The following DPP6 variants were observed in gnomAD, a reference collection of about 807,000 sequenced individuals.
The protein encoded by DPP6 is A-type potassium channel modulatory protein DPP6.
DPP6 carries 69 observed loss-of-function variants against 122.6 expected under a neutral mutation model. The observed-to-expected ratio is 0.56, with a 90% CI of 0.46 to 0.69. The LOEUF (loss-of-function observed/expected upper bound fraction) is 0.69. DPP6 is among the 30% of genes least tolerant of loss of function. The probability of loss-of-function intolerance (pLI) is 0.00; values close to 1 mark genes in which losing one functional copy is unlikely to be tolerated. For synonymous variants in DPP6, 418 were observed against 433.1 expected, an observed-to-expected ratio of 0.97 and a Z score of 0.43; for missense variants, 928 against 1,116.9, an observed-to-expected ratio of 0.83 and a Z score of 2.41.
the DPP6 span, among the ~76,000 whole-genome samples, chr7:153,754,906 T>TC: frequency 4.6e-5 from 7 of 152,092 alleles, no homozygotes; most frequent in African/African-American, 1.7e-4. Context: ...TTGTTTTTTT[T>TC]TTTAATTCAC....
intron 2 of DPP6, among the ~76,000 whole-genome samples, chr7:154,452,212 C>T (rs1409750303): frequency 1.3e-5 from 2 of 152,212 alleles, no homozygotes; most frequent in Non-Finnish European, 2.9e-5. Flanking sequence ...GCTTAGAGTC[C>T]ACGTAAAGAC....
intron 5 of DPP6, among the ~76,000 whole-genome samples, chr7:154,609,768 G>A (rs1484762174): frequency 2.6e-5 from 4 of 152,102 alleles, no homozygotes; most frequent in East Asian, 1.9e-4. Flanking sequence ...CTTACGACTT[G>A]CCCTTCCCAA....
At chr7:154,697,316 C>A (rs1264346331) in intron 7 of DPP6, among the ~76,000 whole-genome samples, 1 of 152,186 alleles carries the variant, frequency 6.6e-6, no homozygotes, top group Non-Finnish European at 1.5e-5. Flanking sequence ...CAGAACCTGC[C>A]CACGAGAAGT....
intron 1 of DPP6, among the ~76,000 whole-genome samples, chr7:154,336,368 T>A (rs1023402282): frequency 3.3e-5 from 5 of 152,124 alleles, no homozygotes; most frequent in African/African-American, 1.2e-4. Context: ...CCTGGAGGGC[T>A]CTTGGTCCAT....
In DPP6 at chr7:154,833,408, G is replaced by A. The variant is rs139329091; in HGVS notation, c.1667-20372G>A. Among the ~76,000 whole-genome samples, 1 of 152,198 alleles carries A rather than the reference G, an allele frequency of 6.6e-6. No homozygotes were observed. Among genetic ancestry groups the A allele is most frequent in the African/African-American group, 2.4e-5 (1 of 41,448 alleles). On this transcript the variant is annotated intron_variant, in intron 16 of 25. Coordinates refer to ENST00000377770, the MANE Select transcript of DPP6 (RefSeq NM_130797.4). The surrounding 1 kb of genome is among the most constrained non-coding windows in gnomAD (Gnocchi z 4.3). ...AGGAAAAGGCAGACAACCCCTCATC[G>A]AGAAGGAGCAAGAAGTGACTTCTGT...
intron 1 of DPP6, among the ~76,000 whole-genome samples, chr7:154,226,632 A>G (rs1800619466): frequency 6.6e-6 from 1 of 152,178 alleles, no homozygotes; most frequent in Non-Finnish European, 1.5e-5. Flanking sequence ...ATGTGATCCT[A>G]TTACCAATTT....
At chr7:154,834,311 CA>C (rs3054390) in intron 16 of DPP6, among the ~76,000 whole-genome samples, 61 of 134,528 alleles carry the variant, frequency 4.5e-4, no homozygotes, top group Admixed American at 6.8e-4. Flanking sequence ...CTACTAAATA[CA>C]AAAAAAAAAA....
At chr7:154,023,437 G>A (rs1798815037) in intron 1 of DPP6, among the ~76,000 whole-genome samples, 3 of 151,226 alleles carry the variant, frequency 2.0e-5, no homozygotes, top group East Asian at 1.9e-4. Context: ...AAAGCCTACA[G>A]GACTTTGCCA....
At chr7:154,137,451 C>T (rs1317076395) in intron 1 of DPP6, among the ~76,000 whole-genome samples, 1 of 151,692 alleles carries the variant, frequency 6.6e-6, no homozygotes, top group Non-Finnish European at 1.5e-5. Context: ...GTCTTCCCCC[C>T]ATACACCATG....
At chr7:153,756,925 G>C in the DPP6 span, among the ~76,000 whole-genome samples, 6 of 152,010 alleles carry the variant, frequency 3.9e-5, no homozygotes, top group Admixed American at 6.6e-5. Context: ...CAGGAATAGA[G>C]GGCAGTAAAT....
At chr7:153,837,263 T>C in the DPP6 span, among the ~76,000 whole-genome samples, 2 of 152,200 alleles carry the variant, frequency 1.3e-5, no homozygotes, top group African/African-American at 4.8e-5. Context: ...AAATGTGTTT[T>C]TTTTTGTTTT....
chr7:153,883,632 G>A (rs960569870), upstream of DPP6, among the ~76,000 whole-genome samples: 3 of 152,222 alleles, frequency 2.0e-5, no homozygotes, highest in East Asian at 1.9e-4. Context: ...CACCCGCCTC[G>A]GCCTCCCAAA....
At chr7:154,681,312 C>A (rs1488323975) in intron 7 of DPP6, among the ~76,000 whole-genome samples, 1 of 152,160 alleles carries the variant, frequency 6.6e-6, no homozygotes, top group Non-Finnish European at 1.5e-5. Context: ...AGGGTGCCCC[C>A]ACATCAGCCT....
At chr7:153,920,588 A>C (rs1372940249) in intron 1 of DPP6, among the ~76,000 whole-genome samples, 1 of 2,890 alleles carries the variant, frequency 3.5e-4, no homozygotes, top group Non-Finnish European at 7.4e-4. Context: ...TTTGAGATGG[A>C]GTCTCACTCT....
chr7:153,804,262 G>A, the DPP6 span, among the ~76,000 whole-genome samples: 1 of 151,976 alleles, frequency 6.6e-6, no homozygotes. Context: ...ATGTTGGCCA[G>A]ACTGGTCTCG....
intron 1 of DPP6, among the ~76,000 whole-genome samples, chr7:154,021,671 C>T (rs1798706302): frequency 6.6e-6 from 1 of 152,174 alleles, no homozygotes; most frequent in Non-Finnish European, 1.5e-5. Flanking sequence ...AAGAAGACAT[C>T]TGGGTGTTCC....
the DPP6 span, among the ~76,000 whole-genome samples, chr7:153,831,737 T>C: frequency 1.3e-5 from 2 of 152,200 alleles, no homozygotes; most frequent in Admixed American, 1.3e-4. Flanking sequence ...CATTCTTAGG[T>C]CACAGGCTGT....
rs146827788 is a variant in DPP6, at chr7:154,536,808, A to G, written c.458-3724A>G. ...CTGCAGATATTCTTGCTGAAATATTATTGATCACATCACATCTTATAGAGC... is the reference window on the plus strand; with the variant it reads ...CTGCAGATATTCTTGCTGAAATATTGTTGATCACATCACATCTTATAGAGC... On this transcript the variant is annotated intron_variant, in intron 3 of 25. Transcript: ENST00000377770. Among the ~76,000 whole-genome samples, 488 of 152,350 alleles carry G rather than the reference A, an allele frequency of 3.2e-3. 2 individuals are homozygous for G. Among genetic ancestry groups the G allele is most frequent in the African/African-American group, 0.011 (475 of 41,590 alleles).
chr7:154,668,466 G>A (rs961942845), intron 6 of DPP6, among the ~76,000 whole-genome samples: 3 of 151,504 alleles, frequency 2.0e-5, no homozygotes, highest in Non-Finnish European at 4.4e-5. Context: ...GTGATCGACC[G>A]CCTCAGCCTC....
Sources: gnomAD v4.1 joint callset for allele counts (sites outside exome capture counted in the v4.1 genomes callset) on GRCh38, gnomAD v4.1.1 for gene constraint, Gnocchi (gnomAD v3.1) non-coding constraint, MANE v1.5 for transcripts, NCBI Gene and HGNC (gene_info 2026-07-23, HGNC 2026-07-21) for gene names.